SPIRE1: variants seen among roughly 807,000 people sequenced by gnomAD.
The protein encoded by SPIRE1 is spire type actin nucleation factor 1.
SPIRE1 carries 40 observed loss-of-function variants against 94.1 expected under a neutral mutation model. The ratio of observed to expected loss-of-function variants is 0.43; its 90% confidence interval spans 0.33 to 0.55. The LOEUF (loss-of-function observed/expected upper bound fraction) is 0.55. SPIRE1 is among the 20% of genes least tolerant of loss of function. The probability of loss-of-function intolerance (pLI) is 0.06; values close to 1 mark genes in which losing one functional copy is unlikely to be tolerated. For synonymous variants in SPIRE1, 376 were observed against 371.7 expected, an observed-to-expected ratio of 1.01 and a Z score of -0.13; for missense variants, 838 against 975.2, an observed-to-expected ratio of 0.86 and a Z score of 1.87.
intron 10 of SPIRE1, among the ~76,000 whole-genome samples, chr18:12,474,047 A>C (rs1382444360): frequency 6.6e-6 from 1 of 152,246 alleles, no homozygotes; most frequent in Non-Finnish European, 1.5e-5. Context: ...ATGTAAAACA[A>C]ACAAACCAAA....
rs1191953970 is a variant in SPIRE1 at position 12,559,918 on chromosome 18, T to C, written c.373-13014A>G. Among the ~76,000 whole-genome samples, 3 of 152,088 alleles carry C rather than the reference T, an allele frequency of 2.0e-5. No homozygotes were observed. The highest frequency in any genetic ancestry group is 7.2e-5 in the African/African-American group (3 of 41,416). On this transcript the variant is annotated intron_variant, in intron 2 of 16. Transcript: ENST00000409402. This position sits in a 1 kb window ranked among gnomAD's most constrained non-coding sequence, Gnocchi z 4.7. ...TATAGGAAAAAATCTAATAATCTGATTAAAAATGGGCAAAAGATCCGAATA... is the reference window on the plus strand; with the variant it reads ...TATAGGAAAAAATCTAATAATCTGACTAAAAATGGGCAAAAGATCCGAATA...
chr18:12,543,042 G>C (rs1204571461), intron 3 of SPIRE1, among the ~76,000 whole-genome samples: 14 of 152,120 alleles, frequency 9.2e-5, no homozygotes, highest in Admixed American at 9.2e-4. Context: ...TGGCCAGGCT[G>C]GTCGTGAACT....
upstream of SPIRE1, among the ~76,000 whole-genome samples, chr18:12,661,529 T>C (rs1438937275): frequency 6.6e-6 from 1 of 152,050 alleles, no homozygotes; most frequent in Non-Finnish European, 1.5e-5. Flanking sequence ...CCCAACACTT[T>C]GGGAAGCCAA....
chr18:12,657,445 CG>C, intron 1 of SPIRE1, 84 bp downstream of exon 1: 1 of 1,089,220 alleles, frequency 9.2e-7, no homozygotes, highest in Non-Finnish European at 1.2e-6. Flanking sequence ...ACGGCGGGGG[CG>C]GAAGGGCCGG....
intron 12 of SPIRE1, among the ~76,000 whole-genome samples, chr18:12,454,731 C>T (rs559869020): frequency 7.2e-5 from 11 of 152,254 alleles, no homozygotes; most frequent in African/African-American, 2.4e-4. Context: ...AAGTTCCTCA[C>T]GTTTGCTCAG....
At chr18:12,655,559 T>G (rs1325107867) in intron 1 of SPIRE1, among the ~76,000 whole-genome samples, 1 of 152,202 alleles carries the variant, frequency 6.6e-6, no homozygotes, top group Non-Finnish European at 1.5e-5. Context: ...AAGAGAATTA[T>G]AAACCTATTG....
chr18:12,460,165 A>G (rs534828345), intron 12 of SPIRE1, among the ~76,000 whole-genome samples: 1 of 152,300 alleles, frequency 6.6e-6, no homozygotes, highest in South Asian at 2.1e-4. Context: ...GGATTTTTCT[A>G]ATTTAGGGTC....
intron 10 of SPIRE1, among the ~76,000 whole-genome samples, chr18:12,472,753 T>C (rs1205321882): frequency 6.6e-6 from 1 of 151,916 alleles, no homozygotes; most frequent in African/African-American, 2.4e-5. Context: ...CTTTAACTCC[T>C]GGGCTCAAGT....
chr18:12,611,417 G>A (rs1450095061), intron 2 of SPIRE1, among the ~76,000 whole-genome samples: 1 of 152,214 alleles, frequency 6.6e-6, no homozygotes, highest in Non-Finnish European at 1.5e-5. Context: ...CACTCCTATG[G>A]AGAAGAAGCC....
At position 12,449,307 on chromosome 18, in the gene SPIRE1, T is replaced by A. The variant is rs565225477; in HGVS notation, c.*331A>T. The A allele has an allele frequency of 1.1e-5, 3 of 283,456 alleles. No individual in the cohort carries two copies. In the Admixed American group the frequency reaches 1.5e-4, roughly 14 times the overall value. 17.6% of individuals were successfully genotyped at this position (283,456 alleles called of 1,614,324 possible). ...CTGATTCTCGTAGGAGAAGCTTTTT[T>A]TTTTTGCCTTAGTCAGGAGATTATT... On this transcript the variant is annotated 3_prime_UTR_variant, in exon 17 of 17. Coordinates refer to ENST00000409402, the MANE Select transcript of SPIRE1 (RefSeq NM_001128626.2).
chr18:12,657,272 G>A (rs1567997698), intron 1 of SPIRE1, among the ~76,000 whole-genome samples: 1 of 150,968 alleles, frequency 6.6e-6, no homozygotes, highest in Non-Finnish European at 1.5e-5. Context: ...CGGCCCGCAG[G>A]CCCAGGCCCA....
At chr18:12,638,609 CTT>C (rs756429828) in intron 1 of SPIRE1, among the ~76,000 whole-genome samples, 11 of 152,168 alleles carry the variant, frequency 7.2e-5, no homozygotes, top group Admixed American at 1.3e-4. Flanking sequence ...TTCTAATCCT[CTT>C]GATATGGTTT....
intron 1 of SPIRE1, among the ~76,000 whole-genome samples, chr18:12,647,237 A>T (rs1434684840): frequency 1.3e-5 from 2 of 152,134 alleles, no homozygotes; most frequent in African/African-American, 4.8e-5. Flanking sequence ...ACTTTGGAAA[A>T]TTTCTGGCAA....
intron 6 of SPIRE1, among the ~76,000 whole-genome samples, chr18:12,497,048 A>G (rs1307290182): frequency 6.6e-6 from 1 of 152,166 alleles, no homozygotes; most frequent in Non-Finnish European, 1.5e-5. Context: ...AGCCTAGGCA[A>G]CAGAGCAAGA....
intron 11 of SPIRE1, 32 bp downstream of exon 11, chr18:12,464,836 C>A (rs1260226210): frequency 1.3e-6 from 2 of 1,572,652 alleles, no homozygotes; most frequent in Non-Finnish European, 8.7e-7. Flanking sequence ...GTAAGACATC[C>A]GACTACAGCT....
chr18:12,500,810 C>T (rs2033629544), intron 6 of SPIRE1, among the ~76,000 whole-genome samples: 4 of 152,054 alleles, frequency 2.6e-5, no homozygotes, highest in African/African-American at 4.8e-5. Flanking sequence ...CAGTGGCTCA[C>T]GCCTGTAATC....
In SPIRE1 at chr18:12,449,276, G is replaced by C; in HGVS notation, c.*362C>G. The C allele has an allele frequency of 3.7e-6, 1 of 273,174 alleles. No individual in the cohort carries two copies. The highest frequency in any genetic ancestry group is 7.0e-6 in the Non-Finnish European group (1 of 141,890). The allele number at this position is 273,174 out of a possible 1,614,324, so 16.9% of individuals were successfully genotyped here. A position where few individuals can be genotyped will look rare whatever the true frequency, so the allele number is the denominator to read the frequency against. ...GGGCTGTGCTGACATCGGCATCTCTGTTAGACTGATTCTCGTAGGAGAAGC... is the reference window on the plus strand; with the variant it reads ...GGGCTGTGCTGACATCGGCATCTCTCTTAGACTGATTCTCGTAGGAGAAGC... On this transcript the variant is annotated 3_prime_UTR_variant, in exon 17 of 17. Coordinates refer to ENST00000409402, the MANE Select transcript of SPIRE1 (RefSeq NM_001128626.2).
At chr18:12,642,897 C>T (rs1377455790) in intron 1 of SPIRE1, among the ~76,000 whole-genome samples, 1 of 152,076 alleles carries the variant, frequency 6.6e-6, no homozygotes, top group African/African-American at 2.4e-5. Context: ...CAAACCTGCA[C>T]ATTCTGCACA....
intron 2 of SPIRE1, among the ~76,000 whole-genome samples, chr18:12,590,764 C>T (rs1439686477): frequency 6.6e-6 from 1 of 152,132 alleles, no homozygotes; most frequent in Admixed American, 6.6e-5. Context: ...CTACAGGCCC[C>T]TGGGCAAGAA....
Sources: gnomAD v4.1 joint callset for allele counts (sites outside exome capture counted in the v4.1 genomes callset) on GRCh38, gnomAD v4.1.1 for gene constraint, Gnocchi (gnomAD v3.1) non-coding constraint, MANE v1.5 for transcripts, NCBI Gene and HGNC (gene_info 2026-07-23, HGNC 2026-07-21) for gene names.